ZNF2: variants seen among roughly 807,000 people sequenced by gnomAD.
ZNF2 encodes the protein zinc finger protein 2, also known as zinc finger protein 2.2.
ZNF2 carries 12 observed loss-of-function variants against 21.9 expected under a neutral mutation model. The observed-to-expected ratio is 0.55, with a 90% CI of 0.35 to 0.89. The LOEUF (loss-of-function observed/expected upper bound fraction) is 0.89, where lower values mean the gene tolerates loss of function less well. Among genes scored for constraint, ZNF2 ranks in the 40% least tolerant of loss-of-function variants. ZNF2 has a pLI of 0.01. For missense variants in ZNF2, 462 were observed against 544.2 expected (o/e 0.85, Z 1.50); for synonymous variants, 186 against 196.3 (o/e 0.95, Z 0.44).
intron 3 of ZNF2, among the ~76,000 whole-genome samples, chr2:95,179,099 C>G (rs991642710): frequency 2.0e-5 from 3 of 150,164 alleles, no homozygotes; most frequent in Non-Finnish European, 4.4e-5. Context: ...TCAAGCAATT[C>G]TCGTGCCTCA....
In ZNF2 at chr2:95,167,241, C is replaced by T. The variant is rs1240432069; in HGVS notation, c.-40+1381C>T. On this transcript the variant is annotated intron_variant, in intron 1 of 4. Coordinates refer to ENST00000614034, the MANE Select transcript of ZNF2 (RefSeq NM_021088.4). ...TAATATGGCCGGGCACAGTGGCTCA[C>T]GCCTGTAAGTCCCAGCACTTTGGGA... Among the ~76,000 whole-genome samples, 13 of 152,280 alleles carry T rather than the reference C, an allele frequency of 8.5e-5. No homozygotes were observed. In the East Asian group the frequency reaches 2.5e-3, roughly 29 times the overall value.
chr2:95,174,520 A>G (rs1674378213), intron 1 of ZNF2, among the ~76,000 whole-genome samples: 3 of 152,192 alleles, frequency 2.0e-5, no homozygotes, highest in Non-Finnish European at 4.4e-5. Flanking sequence ...TTCCATGTAA[A>G]GACCTGCCTC....
chr2:95,172,154 T>G (rs1426128955), intron 1 of ZNF2, among the ~76,000 whole-genome samples: 1 of 152,218 alleles, frequency 6.6e-6, no homozygotes, highest in Non-Finnish European at 1.5e-5. Context: ...CCATGTTTTT[T>G]ATTGAGGGCT....
intron 1 of ZNF2, among the ~76,000 whole-genome samples, chr2:95,175,088 G>C (rs766779786): frequency 1.4e-4 from 21 of 152,002 alleles, no homozygotes; most frequent in Non-Finnish European, 2.1e-4. Context: ...GCCCAGGCTG[G>C]TCTTGAGAAC....
chr2:95,170,646 T>C (rs1674238627), intron 1 of ZNF2, among the ~76,000 whole-genome samples: 1 of 152,232 alleles, frequency 6.6e-6, no homozygotes, highest in South Asian at 2.1e-4. Context: ...ATTGATCTGG[T>C]CTTTTGACAT....
intron 1 of ZNF2, among the ~76,000 whole-genome samples, chr2:95,166,768 G>T (rs1355055735): frequency 2.0e-5 from 3 of 152,180 alleles, no homozygotes; most frequent in Non-Finnish European, 4.4e-5. Context: ...GGACACCTGG[G>T]AGAACAATAA....
In ZNF2 at chr2:95,181,975, C is replaced by A; in HGVS notation, c.1147C>A (p.Arg383=). 1 of 1,614,268 alleles carries A rather than the reference C, an allele frequency of 6.2e-7. No individual in the cohort carries two copies. Among genetic ancestry groups the A allele is most frequent in the Non-Finnish European group, 8.5e-7 (1 of 1,180,054 alleles). Residue 383 remains arginine (R), a synonymous_variant, in exon 5 of 5, where the codon CGG becomes AGG. Coordinates refer to ENST00000614034, the MANE Select transcript of ZNF2 (RefSeq NM_021088.4). ...CGGGAAAGCCTTTAGCCAGCGGTGC[C>A]GGCTCACGCGGCATCAGCGTGTCCA... ...ECGKAFSQRC[R]LTRHQRVHTG...
chr2:95,165,908 G>T (rs1314565011), intron 1 of ZNF2, 48 bp downstream of exon 1: 2 of 152,370 alleles, frequency 1.3e-5, no homozygotes, highest in African/African-American at 4.8e-5. Flanking sequence ...GAGCGCAGCA[G>T]CCGAGAGAGG....
chr2:95,173,784 C>T (rs1674356232), intron 1 of ZNF2, among the ~76,000 whole-genome samples: 1 of 152,242 alleles, frequency 6.6e-6, no homozygotes. Flanking sequence ...TCTTGGCTCA[C>T]TGCAACCTCC....
rs535838831 is a variant in ZNF2, at chr2:95,179,217, C to T, written c.161-942C>T. Among the ~76,000 whole-genome samples, 17 of 152,140 alleles carry T rather than the reference C, an allele frequency of 1.1e-4. 1 individual carries two copies. In the South Asian group the frequency reaches 3.3e-3, roughly 30 times the overall value. ...ATGTTGGCCAGGCTGGTCTTGAACT[C>T]CTGACCTCAGGTGATCCACCCATCT... On this transcript the variant is annotated intron_variant, in intron 3 of 4. Coordinates refer to ENST00000614034, the MANE Select transcript of ZNF2 (RefSeq NM_021088.4).
intron 3 of ZNF2, 28 bp downstream of exon 3, chr2:95,177,637 A>G: frequency 1.2e-6 from 2 of 1,610,586 alleles, no homozygotes; most frequent in South Asian, 1.1e-5. Flanking sequence ...GAGGAGGTAC[A>G]GTCTGTACTA....
At chr2:95,176,374 C>A in intron 2 of ZNF2, 115 bp downstream of exon 2, 3 of 1,222,848 alleles carry the variant, frequency 2.5e-6, no homozygotes, top group South Asian at 1.3e-5. Flanking sequence ...ATGAAGGACT[C>A]CACAGGGAGT....
intron 3 of ZNF2, among the ~76,000 whole-genome samples, chr2:95,178,551 A>C (rs1207362818): frequency 2.0e-5 from 3 of 152,196 alleles, no homozygotes; most frequent in Non-Finnish European, 4.4e-5. Context: ...TTTTGTCAAC[A>C]GAGAATCCAC....
chr2:95,178,678 A>G (rs1674532518), intron 3 of ZNF2, among the ~76,000 whole-genome samples: 1 of 152,226 alleles, frequency 6.6e-6, no homozygotes, highest in African/African-American at 2.4e-5. Flanking sequence ...ATTTTTTAAT[A>G]TAACCAAAAA....
intron 1 of ZNF2, among the ~76,000 whole-genome samples, chr2:95,173,618 A>G (rs1203025104): frequency 6.6e-6 from 1 of 152,256 alleles, no homozygotes; most frequent in Non-Finnish European, 1.5e-5. Context: ...GGATGGAGTT[A>G]AATTAGCCTT....
At chr2:95,179,262 G>T (rs1254995608) in intron 3 of ZNF2, among the ~76,000 whole-genome samples, 2 of 152,136 alleles carry the variant, frequency 1.3e-5, no homozygotes, top group Non-Finnish European at 2.9e-5. Flanking sequence ...AAAGTGCTGG[G>T]ATTACTGGCA....
intron 2 of ZNF2, among the ~76,000 whole-genome samples, chr2:95,176,474 T>A (rs1352984751): frequency 7.2e-5 from 11 of 152,228 alleles, no homozygotes; most frequent in Admixed American, 7.2e-4. Flanking sequence ...GCTTAACAAC[T>A]CCTGGAGCCT....
intron 1 of ZNF2, among the ~76,000 whole-genome samples, chr2:95,175,664 T>G (rs919795298): frequency 3.3e-5 from 5 of 152,188 alleles, no homozygotes; most frequent in African/African-American, 1.2e-4. Flanking sequence ...TAGTCATGTG[T>G]GCATTACCCA....
Position 95,178,626 on chromosome 2 carries a change from A to G in ZNF2, c.160+1017A>G, listed in dbSNP as rs140743558. Among the ~76,000 whole-genome samples, 876 of 152,290 alleles carry G rather than the reference A, an allele frequency of 5.8e-3. 10 individuals are homozygous for G. Among genetic ancestry groups the G allele is most frequent in the African/African-American group, 0.02 (814 of 41,554 alleles). The stretch of plus-strand genomic sequence containing the variant: ...TGCCTCTTTCCCAAGTTGGGGCCTC[A>G]GCAAAAGGGAAGTTTAGAGCCCAAG... On this transcript the variant is annotated intron_variant, in intron 3 of 4. Coordinates refer to ENST00000614034, the MANE Select transcript of ZNF2 (RefSeq NM_021088.4).
Sources: allele counts gnomAD v4.1 joint callset (sites outside exome capture counted in the v4.1 genomes callset), GRCh38; gene constraint gnomAD v4.1.1; transcripts MANE v1.5; gene names NCBI Gene and HGNC (gene_info 2026-07-23, HGNC 2026-07-21).